Variants in VDAC1 observed in about 807,000 individuals in gnomAD.
The protein encoded by VDAC1 is non-selective voltage-gated ion channel VDAC1.
Under a neutral mutation model 34.7 loss-of-function variants are expected in VDAC1, and 10 were observed. The observed-to-expected ratio is 0.29, with a 90% confidence interval of 0.18 to 0.49. The LOEUF (loss-of-function observed/expected upper bound fraction) is 0.49. Ranked by LOEUF, VDAC1 falls within the 20% of genes least tolerant of loss-of-function variation. VDAC1 has a pLI of 0.99. For synonymous variants in VDAC1, 130 were observed against 136.0 expected (o/e 0.96, Z 0.30); for missense variants, 230 against 347.9 (o/e 0.66, Z 2.69).
the VDAC1 span, among the ~76,000 whole-genome samples, chr5:134,056,733 TG>T: frequency 6.6e-6 from 1 of 152,254 alleles, no homozygotes; most frequent in Non-Finnish European, 1.5e-5. Flanking sequence ...TTGCCCAGGC[TG>T]GAGTGCAATG....
At chr5:134,079,372 T>A in the VDAC1 span, among the ~76,000 whole-genome samples, 1 of 152,162 alleles carries the variant, frequency 6.6e-6, no homozygotes, top group Non-Finnish European at 1.5e-5. Context: ...GGCATCACCG[T>A]CTGATGGGGA....
the VDAC1 span, among the ~76,000 whole-genome samples, chr5:134,044,340 T>A: frequency 2.6e-5 from 4 of 152,262 alleles, no homozygotes; most frequent in South Asian, 6.2e-4. Context: ...CAACGGCCCC[T>A]CCAACAGCAG....
chr5:134,093,961 T>C, the VDAC1 span, among the ~76,000 whole-genome samples: 10 of 152,346 alleles, frequency 6.6e-5, no homozygotes, highest in East Asian at 1.7e-3. Context: ...GTGAGTCTCC[T>C]GTCTGCCTCA....
At chr5:133,983,793 G>A (rs1752794291) in intron 5 of VDAC1, among the ~76,000 whole-genome samples, 1 of 152,156 alleles carries the variant, frequency 6.6e-6, no homozygotes, top group Non-Finnish European at 1.5e-5. Flanking sequence ...GACCATGGGG[G>A]TGGATCCCTC....
the VDAC1 span, among the ~76,000 whole-genome samples, chr5:134,060,400 T>C: frequency 8.9e-4 from 136 of 152,072 alleles, no homozygotes; most frequent in African/African-American, 3.1e-3. Flanking sequence ...GTAAGGTCAG[T>C]ACACATTAGG....
chr5:134,019,035 C>T, the VDAC1 span, among the ~76,000 whole-genome samples: 320 of 152,248 alleles, frequency 2.1e-3, 3 homozygotes, highest in African/African-American at 7.4e-3. Flanking sequence ...CTCGCATCTC[C>T]CCGCTTGGCT....
At chr5:134,064,047 A>G in the VDAC1 span, among the ~76,000 whole-genome samples, 7 of 137,912 alleles carry the variant, frequency 5.1e-5, no homozygotes, top group Non-Finnish European at 9.1e-5. Context: ...TATGTTGCCC[A>G]GGCTGGTCAC....
At chr5:134,048,205 T>A in the VDAC1 span, among the ~76,000 whole-genome samples, 1 of 152,086 alleles carries the variant, frequency 6.6e-6, no homozygotes, top group Non-Finnish European at 1.5e-5. Flanking sequence ...CCTGACCTCG[T>A]GATCTGCCTG....
chr5:134,028,826 G>A, the VDAC1 span, among the ~76,000 whole-genome samples: 2 of 152,236 alleles, frequency 1.3e-5, no homozygotes, highest in Non-Finnish European at 2.9e-5. Context: ...AGATGGGACA[G>A]TATGGAAGGT....
intron 5 of VDAC1, among the ~76,000 whole-genome samples, chr5:133,982,844 C>T (rs1484745989): frequency 4.0e-5 from 6 of 149,082 alleles, no homozygotes; most frequent in Middle Eastern, 3.5e-3. Flanking sequence ...GAGCCAAGAC[C>T]GCGCCACTGC....
the VDAC1 span, among the ~76,000 whole-genome samples, chr5:134,023,623 C>T: frequency 6.6e-6 from 1 of 152,114 alleles, no homozygotes; most frequent in South Asian, 2.1e-4. Flanking sequence ...TATTGAGCTC[C>T]TACCATGGGC....
At chr5:134,081,740 C>T in the VDAC1 span, among the ~76,000 whole-genome samples, 1 of 152,228 alleles carries the variant, frequency 6.6e-6, no homozygotes, top group Non-Finnish European at 1.5e-5. Context: ...AATGATAGTT[C>T]TCAACTTGGG....
the VDAC1 span, among the ~76,000 whole-genome samples, chr5:134,072,075 C>T: frequency 4.6e-5 from 7 of 152,144 alleles, no homozygotes; most frequent in Non-Finnish European, 7.4e-5. Context: ...AGTAGCTGAG[C>T]AGCTCGCCCT....
chr5:134,055,540 C>G, the VDAC1 span, among the ~76,000 whole-genome samples: 1 of 150,236 alleles, frequency 6.7e-6, no homozygotes, highest in Non-Finnish European at 1.5e-5. Context: ...CTGCCTCAGT[C>G]TCCCAAGTAG....
the VDAC1 span, among the ~76,000 whole-genome samples, chr5:134,067,119 G>A: frequency 2.7e-5 from 4 of 146,368 alleles, no homozygotes; most frequent in African/African-American, 5.1e-5. Flanking sequence ...GTTGTTACCC[G>A]GGCTGGAGTG....
chr5:134,105,270 C>T, the VDAC1 span, among the ~76,000 whole-genome samples: 1 of 152,224 alleles, frequency 6.6e-6, no homozygotes, highest in Non-Finnish European at 1.5e-5. Context: ...CCTCCAATAA[C>T]TTGGGGTTCC....
At chr5:133,981,589 C>G (rs1752702000) in intron 5 of VDAC1, among the ~76,000 whole-genome samples, 1 of 152,208 alleles carries the variant, frequency 6.6e-6, no homozygotes, top group African/African-American at 2.4e-5. Flanking sequence ...GTTAGCCAGA[C>G]AGTATCCCAG....
At chr5:134,026,942 G>A in the VDAC1 span, among the ~76,000 whole-genome samples, 2 of 152,208 alleles carry the variant, frequency 1.3e-5, no homozygotes, top group Admixed American at 6.5e-5. Flanking sequence ...TCCCACTAGA[G>A]CGTTAGGCTG....
chr5:134,036,925 C>T, the VDAC1 span, among the ~76,000 whole-genome samples: 1 of 151,390 alleles, frequency 6.6e-6, no homozygotes, highest in African/African-American at 2.4e-5. Flanking sequence ...TGCACTCTAG[C>T]CTGGGCAACA....
Sources: gnomAD v4.1 joint callset for allele counts (sites outside exome capture counted in the v4.1 genomes callset) on GRCh38, gnomAD v4.1.1 for gene constraint, MANE v1.5 for transcripts, NCBI Gene and HGNC (gene_info 2026-07-23, HGNC 2026-07-21) for gene names.